The following RCOR2 variants were observed in gnomAD, a reference collection of about 807,000 sequenced individuals.
RCOR2 encodes REST corepressor 2.
RCOR2 carries 19 observed loss-of-function variants against 58.9 expected under a neutral mutation model. The ratio of observed to expected loss-of-function variants is 0.32; its 90% CI spans 0.23 to 0.47. The LOEUF (loss-of-function observed/expected upper bound fraction) is 0.47, where lower values mean the gene tolerates loss of function less well. Ranked by LOEUF, RCOR2 falls within the 20% of genes least tolerant of loss-of-function variation. The pLI, the probability that RCOR2 is intolerant of heterozygous loss-of-function variation, is 1.00. For missense variants in RCOR2, 590 were observed against 707.9 expected (o/e 0.83, Z 1.89); for synonymous variants, 286 against 278.7 (o/e 1.03, Z -0.26).
chr11:63,911,955 C>T lies in RCOR2; in HGVS notation c.1482G>A (p.Leu494=). Residue 494 remains leucine, a synonymous_variant, in exon 12 of 12, where the codon CTG becomes CTA. Coordinates refer to ENST00000301459, the MANE Select transcript of RCOR2 (RefSeq NM_173587.4). ...QPPPPLIRPA[L]AAPRHSARPG... ...GGCGGGCGCTGTGGCGGGGGGCAGCCAGAGCGGGGCGGATGAGAGGCGGTG... is the reference window on the plus strand; with the variant it reads ...GGCGGGCGCTGTGGCGGGGGGCAGCTAGAGCGGGGCGGATGAGAGGCGGTG... 1 of 1,296,538 alleles carries T rather than the reference C, an allele frequency of 7.7e-7. No individual in the cohort carries two copies. Among genetic ancestry groups the T allele is most frequent in the East Asian group, 2.7e-5 (1 of 37,470 alleles). 80.3% of individuals were successfully genotyped at this position (1,296,538 alleles called of 1,614,324 possible).
chr11:63,926,827 T>G, the RCOR2 span, among the ~76,000 whole-genome samples: 1 of 148,760 alleles, frequency 6.7e-6, no homozygotes, highest in African/African-American at 2.5e-5. Context: ...TTGTTTTCAT[T>G]TATTTATTTA....
chr11:63,923,615 C>G, the RCOR2 span, among the ~76,000 whole-genome samples: 1 of 152,160 alleles, frequency 6.6e-6, no homozygotes, highest in Non-Finnish European at 1.5e-5. Context: ...AGGATGTGAG[C>G]TCCTCCCTGG....
At chr11:63,917,578 C>A (rs913074711), upstream of RCOR2, among the ~76,000 whole-genome samples, 4 of 152,186 alleles carry the variant, frequency 2.6e-5, no homozygotes, top group African/African-American at 9.6e-5. Context: ...TCCCCGCCCC[C>A]CCTTCCGCAG....
chr11:63,912,283 G>A, intron 11 of RCOR2, 22 bp downstream of exon 11: 1 of 1,604,362 alleles, frequency 6.2e-7, no homozygotes, highest in African/African-American at 1.3e-5. Flanking sequence ...TCTCTGAGGG[G>A]TTTCTCTCAC....
rs1402211151 is a variant in RCOR2 at position 63,911,663 on chromosome 11, C to T, written c.*202G>A. ...TCAGGCCAGCTCAAAGGCCCCTGAG[C>T]CCGGCCATGGCCCCAGGAGACAGGC... On this transcript the variant is annotated 3_prime_UTR_variant, in exon 12 of 12. Coordinates refer to ENST00000301459, the MANE Select transcript of RCOR2 (RefSeq NM_173587.4). 78 of 812,424 alleles carry T rather than the reference C, an allele frequency of 9.6e-5. No homozygotes were observed. The highest frequency in any genetic ancestry group is 1.1e-4 in the Non-Finnish European group (61 of 576,492). The allele number at this position is 812,424 out of a possible 1,614,324, so 50.3% of individuals were successfully genotyped here.
Position 63,911,880 on chromosome 11 carries a change from T to C in RCOR2, c.1557A>G (p.Pro519=). Residue 519 remains proline, a synonymous_variant, in exon 12 of 12, where the codon CCA becomes CCG. Coordinates refer to ENST00000301459, the MANE Select transcript of RCOR2 (RefSeq NM_173587.4). ...PTLIGTPLEP[P]APSL ...ACGTCAGGGCTCAGAGTGAGGGTGC[T>C]GGGGGCTCCAGAGGGGTTCCAATCA... 2 of 905,704 alleles carry C rather than the reference T, an allele frequency of 2.2e-6. No homozygotes were observed. The highest frequency in any genetic ancestry group is 3.4e-5 in the South Asian group (2 of 59,542). 56.1% of individuals were successfully genotyped at this position (905,704 alleles called of 1,614,324 possible).
Position 63,913,969 on chromosome 11 carries a change from G to A in RCOR2, c.876C>T (p.Ile292=). Reference sequence around the variant, plus strand: ...AGGGCCCCACCTGGCGCTTGAGGGAGATGAGCTGAGAGTCAAGACCTCGGA... The same window carrying A: ...AGGGCCCCACCTGGCGCTTGAGGGAAATGAGCTGAGAGTCAAGACCTCGGA... ...LTLRGLDSQL[I]SLKRQVQSMK... The change falls in exon 8 of 12, where the codon ATC becomes ATT. Residue 292 remains isoleucine, a synonymous_variant. Transcript: ENST00000301459. 6.2e-7 allele frequency: 1 copy of A among 1,613,672 alleles called. No homozygotes were observed. The highest frequency in any genetic ancestry group is 2.2e-5 in the East Asian group (1 of 44,852).
chr11:63,913,303 C>T (rs1255311559), intron 8 of RCOR2, among the ~76,000 whole-genome samples: 3 of 149,968 alleles, frequency 2.0e-5, no homozygotes, highest in African/African-American at 7.4e-5. Context: ...TCTCCTGCCT[C>T]AGCCTCCTGA....
intron 8 of RCOR2, among the ~76,000 whole-genome samples, chr11:63,913,424 A>C (rs1293505082): frequency 6.6e-6 from 1 of 151,094 alleles, no homozygotes; most frequent in Non-Finnish European, 1.5e-5. Context: ...TCCCGACCTC[A>C]GGTGATCCAC....
chr11:63,925,168 C>A, the RCOR2 span, among the ~76,000 whole-genome samples: 1 of 152,090 alleles, frequency 6.6e-6, no homozygotes, highest in East Asian at 1.9e-4. Context: ...GGTGATCTTT[C>A]TAAAACCCAA....
chr11:63,911,683 A>G lies in RCOR2; in HGVS notation c.*182T>C, dbSNP rs558097160. The G allele has an allele frequency of 3.3e-5, 34 of 1,017,356 alleles. No individual in the cohort carries two copies. The African/African-American group carries it at 5.6e-4, about 17-fold the overall frequency. 63.0% of individuals were successfully genotyped at this position (1,017,356 alleles called of 1,614,324 possible). A position where few individuals can be genotyped will look rare whatever the true frequency, so the allele number is the denominator to read the frequency against. On this transcript the variant is annotated 3_prime_UTR_variant, in exon 12 of 12. Coordinates refer to ENST00000301459, the MANE Select transcript of RCOR2 (RefSeq NM_173587.4). Reference sequence around the variant, plus strand: ...CTGAGCCCGGCCATGGCCCCAGGAGACAGGCCCAGCTGCCAGGAACACATG... The same window carrying G: ...CTGAGCCCGGCCATGGCCCCAGGAGGCAGGCCCAGCTGCCAGGAACACATG...
In RCOR2 at chr11:63,911,980, G is replaced by A; in HGVS notation, c.1457C>T (p.Pro486Leu). ...LQPRLAPNQP[P>L]PPLIRPALAA... Reference sequence around the variant, plus strand: ...CAGAGCGGGGCGGATGAGAGGCGGTGGGGGCTGGTTGGGGGCCAGCCGGGG... The same window carrying A: ...CAGAGCGGGGCGGATGAGAGGCGGTAGGGGCTGGTTGGGGGCCAGCCGGGG... Residue 486 changes from proline to leucine, a missense_variant, in exon 12 of 12, where the codon CCA becomes CTA. Physicochemically the swap from Pro to Leu is moderately conservative, Grantham distance 98 (BLOSUM62 -3). Transcript: ENST00000301459. The A allele has an allele frequency of 7.4e-7, 1 of 1,346,552 alleles. No homozygotes were observed. The highest frequency in any genetic ancestry group is 9.8e-7 in the Non-Finnish European group (1 of 1,016,076). The allele number at this position is 1,346,552 out of a possible 1,614,324, so 83.4% of individuals were successfully genotyped here.
At chr11:63,919,362 C>T (rs958910739), upstream of RCOR2, among the ~76,000 whole-genome samples, 1 of 151,980 alleles carries the variant, frequency 6.6e-6, no homozygotes, top group African/African-American at 2.4e-5. Context: ...GGACAAGGGG[C>T]CCCGGCCGGC....
At chr11:63,923,652 C>T in the RCOR2 span, among the ~76,000 whole-genome samples, 1 of 152,146 alleles carries the variant, frequency 6.6e-6, no homozygotes, top group African/African-American at 2.4e-5. Context: ...ACTTCAAACC[C>T]TTTATGTGGG....
At chr11:63,913,051 C>G in intron 8 of RCOR2, 104 bp from the exon 9 acceptor site, 1 of 954,464 alleles carries the variant, frequency 1.0e-6, no homozygotes, top group Non-Finnish European at 1.6e-6. Context: ...ACCACTGCCC[C>G]GGCAAAGCTT....
chr11:63,925,723 T>G, the RCOR2 span, among the ~76,000 whole-genome samples: 1 of 143,658 alleles, frequency 7.0e-6, no homozygotes, highest in Admixed American at 7.0e-5. Context: ...GAGGCTGAGG[T>G]GGGAGGATCG....
intron 8 of RCOR2, among the ~76,000 whole-genome samples, chr11:63,913,723 C>T (rs1213080041): frequency 6.6e-6 from 1 of 152,168 alleles, no homozygotes; most frequent in East Asian, 1.9e-4. Flanking sequence ...CTCAGGTGAT[C>T]CGCCGGCCTC....
chr11:63,912,621 G>C, intron 10 of RCOR2, 55 bp downstream of exon 10: 1 of 1,588,100 alleles, frequency 6.3e-7, no homozygotes, highest in Non-Finnish European at 8.6e-7. Context: ...CCACTCCTTG[G>C]AGGGTGGGGA....
chr11:63,926,779 G>GTTTTT, the RCOR2 span, among the ~76,000 whole-genome samples: 3 of 119,272 alleles, frequency 2.5e-5, no homozygotes, highest in Non-Finnish European at 1.8e-5. Flanking sequence ...TGCCTGGCCT[G>GTTTTT]TTTTTTTTTT....
Sources: gnomAD v4.1 joint callset for allele counts (sites outside exome capture counted in the v4.1 genomes callset) on GRCh38, gnomAD v4.1.1 for gene constraint, MANE v1.5 for transcripts, NCBI Gene and HGNC (gene_info 2026-07-23, HGNC 2026-07-21) for gene names.